Variants in PDGFD observed in about 807,000 individuals in gnomAD.
PDGFD encodes platelet-derived growth factor D.
Under a neutral mutation model 44.7 loss-of-function variants are expected in PDGFD, and 30 were observed. The observed-to-expected ratio is 0.67, with a 90% CI of 0.50 to 0.91. The LOEUF (loss-of-function observed/expected upper bound fraction) is 0.91, where lower values mean the gene tolerates loss of function less well. Among genes scored for constraint, PDGFD ranks in the 40% least tolerant of loss-of-function variants. PDGFD has a pLI of 0.00. For missense variants in PDGFD, 445 were observed against 457.8 expected (o/e 0.97, Z 0.25); for synonymous variants, 173 against 168.4 (o/e 1.03, Z -0.21).
chr11:103,934,343 A>G (rs987826488), intron 5 of PDGFD, among the ~76,000 whole-genome samples: 5 of 152,222 alleles, frequency 3.3e-5, no homozygotes, highest in Non-Finnish European at 5.9e-5. Context: ...AGAAGCACCT[A>G]AAACTAGAAG....
chr11:103,978,252 A>C (rs1859212960), intron 3 of PDGFD, among the ~76,000 whole-genome samples: 1 of 152,058 alleles, frequency 6.6e-6, no homozygotes, highest in South Asian at 2.1e-4. Flanking sequence ...AAGAAAATGG[A>C]CAATCGATAG....
At chr11:104,122,410 T>C (rs1396131245) in intron 1 of PDGFD, among the ~76,000 whole-genome samples, 2 of 152,052 alleles carry the variant, frequency 1.3e-5, no homozygotes, top group Non-Finnish European at 2.9e-5. Flanking sequence ...ATGCAACTTA[T>C]GCAAATGGCA....
intron 1 of PDGFD, among the ~76,000 whole-genome samples, chr11:104,035,042 ATGTG>A (rs1232763040): frequency 2.0e-5 from 3 of 151,850 alleles, no homozygotes; most frequent in Non-Finnish European, 4.4e-5. Context: ...ACAGCCTTGT[ATGTG>A]TGTGTGTGTA....
intron 1 of PDGFD, among the ~76,000 whole-genome samples, chr11:104,002,756 G>A (rs1280567505): frequency 6.6e-6 from 1 of 152,064 alleles, no homozygotes; most frequent in Non-Finnish European, 1.5e-5. Context: ...ACATTTTTGT[G>A]CCTCTAGTGC....
chr11:103,981,178 T>C (rs1446095924), intron 3 of PDGFD, among the ~76,000 whole-genome samples: 1 of 151,576 alleles, frequency 6.6e-6, no homozygotes, highest in Non-Finnish European at 1.5e-5. Context: ...TTAGTTATCA[T>C]AGAAGTGTGC....
chr11:104,018,409 G>T (rs563492050), intron 1 of PDGFD, among the ~76,000 whole-genome samples: 2 of 152,070 alleles, frequency 1.3e-5, no homozygotes, highest in African/African-American at 4.8e-5. Context: ...ATCTCACTTC[G>T]TTAGATTTAT....
At chr11:104,030,278 A>G (rs969318318) in intron 1 of PDGFD, among the ~76,000 whole-genome samples, 2 of 152,174 alleles carry the variant, frequency 1.3e-5, no homozygotes, top group Non-Finnish European at 2.9e-5. Context: ...TTCACATTAA[A>G]CCACCCATAA....
rs1861830187 is a variant in PDGFD, at chr11:104,125,538, A to C, written c.124+38266T>G. ...TTAAACGGTTCATATGAAAATTGTC[A>C]GGGACATATTTACTTGAAAATAGCA... is the stretch of plus-strand genomic sequence containing the variant. On this transcript the variant is annotated intron_variant, in intron 1 of 6. Coordinates refer to ENST00000393158, the MANE Select transcript of PDGFD (RefSeq NM_025208.5). 2.0e-5 allele frequency among the ~76,000 whole-genome samples: 3 copies of C among 152,126 alleles called. 1 individual carries two copies. Among genetic ancestry groups the C allele is most frequent in the South Asian group, 4.1e-4 (2 of 4,820 alleles).
At chr11:104,009,826 C>T (rs935362895) in intron 1 of PDGFD, among the ~76,000 whole-genome samples, 7 of 152,132 alleles carry the variant, frequency 4.6e-5, no homozygotes, top group African/African-American at 1.4e-4. Flanking sequence ...AAAATCAGCA[C>T]GGAAGCTTTT....
chr11:104,078,999 T>C (rs1861006940), intron 1 of PDGFD, among the ~76,000 whole-genome samples: 1 of 152,208 alleles, frequency 6.6e-6, no homozygotes, highest in South Asian at 2.1e-4. Flanking sequence ...CATCTTAAGG[T>C]CTACTGTGAA....
chr11:104,012,595 T>G (rs183497461), intron 1 of PDGFD, among the ~76,000 whole-genome samples: 1 of 152,360 alleles, frequency 6.6e-6, no homozygotes, highest in East Asian at 1.9e-4. Context: ...CAAATATCTT[T>G]GTGTAGACTA....
intron 3 of PDGFD, among the ~76,000 whole-genome samples, chr11:103,976,858 T>A (rs1319220179): frequency 6.6e-6 from 1 of 151,978 alleles, no homozygotes; most frequent in African/African-American, 2.4e-5. Context: ...GTTTATTGAT[T>A]TGAGTAAGTT....
intron 1 of PDGFD, among the ~76,000 whole-genome samples, chr11:104,020,228 T>C (rs1326042363): frequency 6.6e-6 from 1 of 152,160 alleles, no homozygotes; most frequent in Non-Finnish European, 1.5e-5. Flanking sequence ...TTGGACTTCC[T>C]TGACACTATT....
chr11:104,149,018 T>C (rs1565348827), intron 1 of PDGFD, among the ~76,000 whole-genome samples: 1 of 152,200 alleles, frequency 6.6e-6, no homozygotes. Context: ...CTAAAAATCT[T>C]TAAATAACAT....
chr11:104,074,759 G>A (rs1860930767), intron 1 of PDGFD, among the ~76,000 whole-genome samples: 1 of 152,182 alleles, frequency 6.6e-6, no homozygotes. Context: ...TATACACACA[G>A]TTTGCAACAA....
chr11:104,111,066 GA>G (rs1188590698), intron 1 of PDGFD, among the ~76,000 whole-genome samples: 1 of 151,850 alleles, frequency 6.6e-6, no homozygotes, highest in Non-Finnish European at 1.5e-5. Flanking sequence ...AAAAGTAAAA[GA>G]ATTTTAGGTA....
chr11:103,990,523 C>T (rs1859433044), intron 3 of PDGFD, among the ~76,000 whole-genome samples: 1 of 152,214 alleles, frequency 6.6e-6, no homozygotes, highest in South Asian at 2.1e-4. Context: ...TTTCCTCCCA[C>T]TGCTATGAGT....
chr11:103,952,474 T>A (rs1858773325), intron 3 of PDGFD, among the ~76,000 whole-genome samples: 2 of 152,206 alleles, frequency 1.3e-5, no homozygotes, highest in South Asian at 4.1e-4. Flanking sequence ...GATGTTTTAG[T>A]TACTTTGGTC....
intron 1 of PDGFD, among the ~76,000 whole-genome samples, chr11:104,081,933 T>C (rs1233005283): frequency 1.3e-5 from 2 of 151,958 alleles, no homozygotes; most frequent in African/African-American, 4.8e-5. Flanking sequence ...TTTTTAATCA[T>C]CCCATAGAAA....
Sources: gnomAD v4.1 joint callset for allele counts (sites outside exome capture counted in the v4.1 genomes callset) on GRCh38, gnomAD v4.1.1 for gene constraint, MANE v1.5 for transcripts, NCBI Gene and HGNC (gene_info 2026-07-23, HGNC 2026-07-21) for gene names.